The following MYH9 variants were observed in gnomAD, a reference collection of about 807,000 sequenced individuals.
The protein encoded by MYH9 is myosin heavy chain 9, also known as myosin-9.
Under a neutral mutation model 241.9 loss-of-function variants are expected in MYH9, and 29 were observed. The observed-to-expected ratio is 0.12, with a 90% CI of 0.09 to 0.16. The LOEUF (loss-of-function observed/expected upper bound fraction) is 0.16. Among genes scored for constraint, MYH9 ranks in the 10% least tolerant of loss-of-function variants. The pLI, the probability that MYH9 is intolerant of heterozygous loss-of-function variation, is 1.00. For missense variants in MYH9, 1,803 were observed against 2,595.5 expected (o/e 0.69, Z 6.63); for synonymous variants, 1,047 against 1,062.6 (o/e 0.99, Z 0.29).
rs2016572806 is a variant in MYH9, at chr22:36,285,913, T to C, written c.5102A>G (p.Gln1701Arg). 6 of 1,612,772 alleles carry C rather than the reference T, an allele frequency of 3.7e-6. No homozygotes were observed. Among genetic ancestry groups the C allele is most frequent in the Non-Finnish European group, 5.1e-6 (6 of 1,179,976 alleles). ...CTCGTCAGCCAGCTCATCCCGCTCC[T>C]GCTGGGCCTGGCGCTTGGCACGCTC... ...AAERAKRQAQ[Q>R]ERDELADEIA... Residue 1701 changes from glutamine (Q) to arginine (R), a missense_variant, in exon 36 of 41, where the codon CAG becomes CGG. Coordinates refer to ENST00000216181, the MANE Select transcript of MYH9 (RefSeq NM_002473.6). The surrounding 1 kb of genome is among the most constrained non-coding windows in gnomAD (Gnocchi z 7.0).
intron 10 of MYH9, among the ~76,000 whole-genome samples, chr22:36,318,906 G>A (rs1569535883): frequency 6.6e-6 from 1 of 152,078 alleles, no homozygotes. Flanking sequence ...TGGGATTACA[G>A]GCGCACGCCA....
intron 3 of MYH9, among the ~76,000 whole-genome samples, chr22:36,338,142 C>T (rs571277028): frequency 2.6e-5 from 4 of 152,046 alleles, no homozygotes; most frequent in Admixed American, 6.6e-5. Flanking sequence ...GGACTACAGG[C>T]GTGCGCCACA....
chr22:36,285,126 C>G lies in MYH9; in HGVS notation c.5478G>C (p.Glu1826Asp). Reference sequence around the variant, plus strand: ...GCGGGGCCAGGGGCACGTACTTGGTCTCGTTGTCCAGCTGCTCCTCCAGCT... The same window carrying G: ...GCGGGGCCAGGGGCACGTACTTGGTGTCGTTGTCCAGCTGCTCCTCCAGCT... The part of the protein sequence containing the change: ...IAQLEEQLDN[E>D]TKERQAACKQ... The change falls in exon 38 of 41, where the codon GAG becomes GAC. Residue 1826 changes from glutamate to aspartate, a missense_variant. Around this residue, in one of 11 missense-constraint regions of MYH9, gnomAD observed 876 missense variants for 1,077.8 expected, o/e 0.81. Coordinates refer to ENST00000216181, the MANE Select transcript of MYH9 (RefSeq NM_002473.6). This position sits in a 1 kb window ranked among gnomAD's most constrained non-coding sequence, Gnocchi z 7.0. The G allele has an allele frequency of 6.2e-7, 1 of 1,613,936 alleles. No homozygotes were observed. Among genetic ancestry groups the G allele is most frequent in the Non-Finnish European group, 8.5e-7 (1 of 1,180,014 alleles).
rs572379829 is a variant in MYH9, at chr22:36,290,961, G to A, written c.4344+1025C>T. Among the ~76,000 whole-genome samples the A allele has an allele frequency of 1.5e-3, 222 of 150,842 alleles. No individual in the cohort carries two copies. The Middle Eastern group carries it at 0.018, about 12-fold the overall frequency. On this transcript the variant is annotated intron_variant, in intron 31 of 40. Transcript: ENST00000216181. Reference sequence around the variant, plus strand: ...AGCCCCTCCGCCCTGCAGCCGCCCCGTCTGAGAGGTGAGGAGCCCCTCCGC... The same window carrying A: ...AGCCCCTCCGCCCTGCAGCCGCCCCATCTGAGAGGTGAGGAGCCCCTCCGC...
Position 36,293,134 on chromosome 22 carries a change from T to TCC in MYH9, c.4095+193_4095+194dup. 6.6e-6 allele frequency among the ~76,000 whole-genome samples: 1 copy of TCC among 152,338 alleles called. No individual in the cohort carries two copies. The highest frequency in any genetic ancestry group is 1.9e-4 in the East Asian group (1 of 5,192). ...GTGTAAAATAGTGAAAATAGTGGTGTCCCCCATCTAAGTCCACAGATCCCT... is the reference window on the plus strand; with the variant it reads ...GTGTAAAATAGTGAAAATAGTGGTGTCCCCCCCATCTAAGTCCACAGATCCCT... On this transcript the variant is annotated intron_variant, in intron 30 of 40. Coordinates refer to ENST00000216181, the MANE Select transcript of MYH9 (RefSeq NM_002473.6). The surrounding 1 kb of genome is among the most constrained non-coding windows in gnomAD (Gnocchi z 5.1).
chr22:36,293,489 C>A lies in MYH9; in HGVS notation c.3943-8G>T, dbSNP rs760886457. 1.9e-6 allele frequency: 3 copies of A among 1,612,658 alleles called. No homozygotes were observed. Among genetic ancestry groups the A allele is most frequent in the East Asian group, 2.2e-5 (1 of 44,878 alleles). Reference sequence around the variant, plus strand: ...CTCCTCCTGCAGCAGCTCCTACTCGCGGGTTGAGAGGGGTGCGGGTGCTTA... The same window carrying A: ...CTCCTCCTGCAGCAGCTCCTACTCGAGGGTTGAGAGGGGTGCGGGTGCTTA... On this transcript the variant is annotated splice_region_variant and splice_polypyrimidine_tract_variant and intron_variant, in intron 29 of 40. Transcript: ENST00000216181. This position sits in a 1 kb window ranked among gnomAD's most constrained non-coding sequence, Gnocchi z 5.1.
At position 36,357,175 on chromosome 22, in the gene MYH9, G is replaced by A. The variant is rs972212588; in HGVS notation, c.-19-7920C>T. On this transcript the variant is annotated intron_variant, in intron 1 of 40. Coordinates refer to ENST00000216181, the MANE Select transcript of MYH9 (RefSeq NM_002473.6). ...AGAGGAGAGGAACATGCAACTTGCC[G>A]TGGGAACAAAGAGAAAGGGACACTT... is the stretch of plus-strand genomic sequence containing the variant. Among the ~76,000 whole-genome samples, 13 of 152,294 alleles carry A rather than the reference G, an allele frequency of 8.5e-5. No homozygotes were observed. In the East Asian group the frequency reaches 1.3e-3, roughly 16 times the overall value.
At chr22:36,374,478 A>C (rs2018136073) in intron 1 of MYH9, among the ~76,000 whole-genome samples, 1 of 152,160 alleles carries the variant, frequency 6.6e-6, no homozygotes, top group Non-Finnish European at 1.5e-5. Flanking sequence ...CAAGATTGTG[A>C]CAGTACACTC....
chr22:36,328,583 T>G (rs764879868), intron 3 of MYH9, among the ~76,000 whole-genome samples: 1 of 152,160 alleles, frequency 6.6e-6, no homozygotes, highest in Non-Finnish European at 1.5e-5. Flanking sequence ...CAGGATTAGT[T>G]TGAAAAATAG....
intron 3 of MYH9, among the ~76,000 whole-genome samples, chr22:36,336,991 G>A (rs897862735): frequency 3.3e-5 from 5 of 152,176 alleles, no homozygotes; most frequent in Non-Finnish European, 1.5e-5. Flanking sequence ...TGCCCCACCC[G>A]TGCCCACGGC....
chr22:36,344,753 C>T (rs899498439), intron 2 of MYH9, among the ~76,000 whole-genome samples: 4 of 152,204 alleles, frequency 2.6e-5, no homozygotes, highest in African/African-American at 7.2e-5. Flanking sequence ...AATGGAAAGA[C>T]GCAGCCACTA....
intron 21 of MYH9, 54 bp from the exon 22 acceptor site, chr22:36,301,111 C>T: frequency 6.5e-7 from 1 of 1,550,070 alleles, no homozygotes; most frequent in Non-Finnish European, 8.8e-7. Flanking sequence ...CAAGCCACTC[C>T]ATCCTCAAGG....
chr22:36,357,281 G>A (rs1052883073), intron 1 of MYH9, among the ~76,000 whole-genome samples: 1 of 152,184 alleles, frequency 6.6e-6, no homozygotes, highest in Non-Finnish European at 1.5e-5. Flanking sequence ...ATATTGGCAG[G>A]GAAGGGAAGA....
At chr22:36,335,944 A>G (rs1257106098) in intron 3 of MYH9, among the ~76,000 whole-genome samples, 1 of 152,220 alleles carries the variant, frequency 6.6e-6, no homozygotes, top group Admixed American at 6.5e-5. Context: ...GTTTACAGAA[A>G]AAGGTCAGAC....
At chr22:36,310,132 C>A (rs1273773113) in intron 14 of MYH9, among the ~76,000 whole-genome samples, 1 of 152,082 alleles carries the variant, frequency 6.6e-6, no homozygotes, top group Non-Finnish European at 1.5e-5. Context: ...TGCCTGTAAT[C>A]CCAGCTACAG....
At chr22:36,339,557 G>C (rs1047164349) in intron 3 of MYH9, among the ~76,000 whole-genome samples, 2 of 152,312 alleles carry the variant, frequency 1.3e-5, no homozygotes, top group African/African-American at 4.8e-5. Flanking sequence ...CCTACATAAT[G>C]CATCAAGCTC....
At position 36,285,155 on chromosome 22, in the gene MYH9, C is replaced by G; in HGVS notation, c.5449G>C (p.Ala1817Pro). ...ASITALEAKIAQLEEQLDNET... is the reference protein window; with the variant it reads ...ASITALEAKIPQLEEQLDNET... The stretch of plus-strand genomic sequence containing the variant: ...TTGTCCAGCTGCTCCTCCAGCTGTG[C>G]AATCTTGGCCTCGAGGGCGGTGATG... The change falls in exon 38 of 41, where the codon GCA (alanine) becomes CCA (proline). Residue 1817 changes from alanine (A) to proline (P), a missense_variant. Transcript: ENST00000216181. This position sits in a 1 kb window ranked among gnomAD's most constrained non-coding sequence, Gnocchi z 7.0. 1.2e-6 allele frequency: 2 copies of G among 1,614,158 alleles called. No individual in the cohort carries two copies. The highest frequency in any genetic ancestry group is 1.7e-6 in the Non-Finnish European group (2 of 1,180,036).
rs149107037 is a variant in MYH9 at position 36,306,286 on chromosome 22, C to T, written c.2037+128G>A. ...CCTAAGCGAGCCAAGGCCCACCCTG[C>T]AGAGAAACGACTGAAGGCTCTGTGC... On this transcript the variant is annotated intron_variant, in intron 16 of 40. Transcript: ENST00000216181. This position sits in a 1 kb window ranked among gnomAD's most constrained non-coding sequence, Gnocchi z 4.1. 4.9e-4 allele frequency: 660 copies of T among 1,353,640 alleles called. 4 individuals carry two copies. In the East Asian group the frequency reaches 0.013, roughly 26 times the overall value. 83.9% of individuals were successfully genotyped at this position (1,353,640 alleles called of 1,614,324 possible). A position where few individuals can be genotyped will look rare whatever the true frequency, so the allele number is the denominator to read the frequency against.
intron 3 of MYH9, among the ~76,000 whole-genome samples, chr22:36,338,768 C>T (rs912234394): frequency 6.6e-6 from 1 of 150,478 alleles, no homozygotes; most frequent in South Asian, 2.1e-4. Context: ...CGCAATGAGC[C>T]GAGATCGTGC....
Sources: allele counts gnomAD v4.1 joint callset (sites outside exome capture counted in the v4.1 genomes callset), GRCh38; gene constraint gnomAD v4.1.1; regional missense constraint gnomAD v4.1.1; non-coding constraint Gnocchi (gnomAD v3.1); transcripts MANE v1.5; gene names NCBI Gene and HGNC (gene_info 2026-07-23, HGNC 2026-07-21).